Variants in CDK17 observed in about 807,000 individuals in gnomAD.
CDK17 encodes cyclin-dependent kinase 17.
CDK17 carries 24 observed loss-of-function variants against 77.6 expected under a neutral mutation model. The ratio of observed to expected loss-of-function variants is 0.31; its 90% confidence interval spans 0.22 to 0.44. The LOEUF is 0.44. Among genes scored for constraint, CDK17 ranks in the 20% least tolerant of loss-of-function variants. CDK17 has a pLI of 1.00. For synonymous variants in CDK17, 203 were observed against 210.4 expected (o/e 0.96, Z 0.30); for missense variants, 429 against 622.5 (o/e 0.69, Z 3.31).
chr12:96,278,433 A>G lies in CDK17; in HGVS notation c.*1809T>C, dbSNP rs780799876. ...AAGCAAATGATTGGCACAAACAGAAAACAATAACACCTCTAGCACAGTGAG... is the reference window on the plus strand; with the variant it reads ...AAGCAAATGATTGGCACAAACAGAAGACAATAACACCTCTAGCACAGTGAG... On this transcript the variant is annotated 3_prime_UTR_variant, in exon 17 of 17. Coordinates refer to ENST00000261211, the MANE Select transcript of CDK17 (RefSeq NM_002595.5). 1 of 152,266 alleles carries G rather than the reference A, an allele frequency of 6.6e-6. No homozygotes were observed. Among genetic ancestry groups the G allele is most frequent in the South Asian group, 2.1e-4 (1 of 4,830 alleles). The allele number at this position is 152,266 out of a possible 1,614,324, so 9.4% of individuals were successfully genotyped here. A position where few individuals can be genotyped will look rare whatever the true frequency, so the allele number is the denominator to read the frequency against.
intron 15 of CDK17, 138 bp from the exon 16 acceptor site, chr12:96,281,023 T>C (rs971101384): frequency 1.4e-6 from 1 of 729,044 alleles, no homozygotes; most frequent in African/African-American, 1.8e-5. Flanking sequence ...TGCTGAAATT[T>C]TTCCTTTTTG....
intron 1 of CDK17, among the ~76,000 whole-genome samples, chr12:96,347,137 A>G (rs1953227139): frequency 6.6e-6 from 1 of 152,208 alleles, no homozygotes; most frequent in South Asian, 2.1e-4. Context: ...TTACACACCT[A>G]AAAACAGAGA....
At chr12:96,388,339 G>C (rs1954011091) in intron 1 of CDK17, among the ~76,000 whole-genome samples, 1 of 152,162 alleles carries the variant, frequency 6.6e-6, no homozygotes, top group Non-Finnish European at 1.5e-5. Flanking sequence ...CATTAGATTA[G>C]AAACAACAAT....
intron 1 of CDK17, among the ~76,000 whole-genome samples, chr12:96,398,792 G>T (rs541124031): frequency 1.4e-4 from 22 of 152,202 alleles, no homozygotes; most frequent in Non-Finnish European, 2.5e-4. Flanking sequence ...TCTGTATCTT[G>T]AAAGTGACCT....
intron 1 of CDK17, among the ~76,000 whole-genome samples, chr12:96,384,613 T>A (rs1353763703): frequency 6.6e-6 from 1 of 152,160 alleles, no homozygotes; most frequent in African/African-American, 2.4e-5. Context: ...TGCAGCAACA[T>A]GGATGCAGCT....
intron 1 of CDK17, among the ~76,000 whole-genome samples, chr12:96,379,211 G>C (rs1272961626): frequency 6.6e-6 from 1 of 152,168 alleles, no homozygotes; most frequent in African/African-American, 2.4e-5. Flanking sequence ...ATGCAGTACA[G>C]CTGCTAAAAT....
At chr12:96,300,382 A>T in intron 5 of CDK17, 22 bp from the exon 6 acceptor site, 1 of 1,409,796 alleles carries the variant, frequency 7.1e-7, no homozygotes, top group Non-Finnish European at 9.9e-7. Flanking sequence ...ACAATGAAAA[A>T]TGTAGTATTT....
intron 5 of CDK17, among the ~76,000 whole-genome samples, chr12:96,305,419 T>C (rs996326100): frequency 6.6e-6 from 1 of 152,212 alleles, no homozygotes; most frequent in Non-Finnish European, 1.5e-5. Context: ...GTTAATAATA[T>C]GGTAACTGGG....
chr12:96,341,318 TACACACACACAC>T (rs10656968), intron 1 of CDK17, among the ~76,000 whole-genome samples: 1 of 148,696 alleles, frequency 6.7e-6, no homozygotes, highest in Non-Finnish European at 1.5e-5. Flanking sequence ...ATCATATACA[TACACACACACAC>T]ACACACACAC....
chr12:96,291,935 G>A (rs1401699012), intron 10 of CDK17, among the ~76,000 whole-genome samples: 1 of 151,986 alleles, frequency 6.6e-6, no homozygotes, highest in Admixed American at 6.6e-5. Context: ...AGCATTACAT[G>A]CAGGTTAGCA....
chr12:96,294,611 A>AAAAAAAAAAAAAAAAAAAAAAAAAAAAT (rs71097274), intron 10 of CDK17, among the ~76,000 whole-genome samples: 4 of 121,254 alleles, frequency 3.3e-5, no homozygotes, highest in Non-Finnish European at 5.2e-5. Flanking sequence ...AAAAAAAAAA[A>AAAAAAAAAAAAAAAAAAAAAAAAAAAAT]GATATATTTT....
At chr12:96,390,368 C>T (rs1056797571) in intron 1 of CDK17, among the ~76,000 whole-genome samples, 5 of 148,308 alleles carry the variant, frequency 3.4e-5, no homozygotes, top group East Asian at 2.0e-4. Flanking sequence ...TGAGCTCAGG[C>T]GATCCACCCA....
chr12:96,294,291 G>A (rs549834035), intron 10 of CDK17, among the ~76,000 whole-genome samples: 3 of 152,188 alleles, frequency 2.0e-5, no homozygotes, highest in South Asian at 4.1e-4. Context: ...TAAGTGTAGT[G>A]GTAAAGAATA....
chr12:96,324,996 A>C (rs1166116911), intron 2 of CDK17, among the ~76,000 whole-genome samples: 1 of 152,132 alleles, frequency 6.6e-6, no homozygotes. Flanking sequence ...ACCAAGCAGA[A>C]ACATTAAAAA....
chr12:96,353,179 C>T (rs933488666), intron 1 of CDK17, among the ~76,000 whole-genome samples: 15 of 152,174 alleles, frequency 9.9e-5, no homozygotes, highest in South Asian at 2.1e-4. Context: ...TATATAAATA[C>T]ATTCACATGA....
At chr12:96,308,298 C>T (rs1952602536) in intron 5 of CDK17, among the ~76,000 whole-genome samples, 2 of 149,852 alleles carry the variant, frequency 1.3e-5, no homozygotes, top group Admixed American at 1.3e-4. Flanking sequence ...GCAGTCTTAG[C>T]TACTCAGGAG....
At chr12:96,380,286 T>A (rs2137225728) in intron 1 of CDK17, among the ~76,000 whole-genome samples, 1 of 131,752 alleles carries the variant, frequency 7.6e-6, no homozygotes, top group Non-Finnish European at 1.7e-5. Flanking sequence ...TTAGCTGGTT[T>A]TTTTTTTTTT....
intron 1 of CDK17, among the ~76,000 whole-genome samples, chr12:96,375,510 CTTTTTTTTT>C (rs34451499): frequency 2.0e-5 from 2 of 101,590 alleles, no homozygotes; most frequent in African/African-American, 3.8e-5. Context: ...TGATCCTAAC[CTTTTTTTTT>C]TTTTTTTTTT....
At chr12:96,286,891 T>C in intron 11 of CDK17, 130 bp from the exon 12 acceptor site, 9 of 628,962 alleles carry the variant, frequency 1.4e-5, no homozygotes, top group Non-Finnish European at 2.5e-5. Flanking sequence ...GAAGGGATAT[T>C]TTAGATCTAA....
Sources: allele counts gnomAD v4.1 joint callset (sites outside exome capture counted in the v4.1 genomes callset), GRCh38; gene constraint gnomAD v4.1.1; transcripts MANE v1.5; gene names NCBI Gene and HGNC (gene_info 2026-07-23, HGNC 2026-07-21).